Variants in RUFY3 observed in about 807,000 individuals in gnomAD.
RUFY3 encodes RUN and FYVE domain containing 3, also known as protein RUFY3.
A neutral mutation model predicts 84.0 loss-of-function variants in RUFY3; 34 were observed. That is an observed-to-expected ratio of 0.40 (90% confidence interval 0.31 to 0.54). RUFY3 has a LOEUF of 0.54. RUFY3 is among the 20% of genes least tolerant of loss of function. RUFY3 has a pLI of 0.39. For missense variants in RUFY3, 507 were observed against 736.8 expected (o/e 0.69, Z 3.61); for synonymous variants, 242 against 252.9 (o/e 0.96, Z 0.41).
At chr4:70,758,577 G>A (rs1404740821) in intron 1 of RUFY3, among the ~76,000 whole-genome samples, 3 of 151,970 alleles carry the variant, frequency 2.0e-5, no homozygotes, top group African/African-American at 4.8e-5. Context: ...TAAAATTTTT[G>A]ATGTGTAATA....
intron 1 of RUFY3, among the ~76,000 whole-genome samples, chr4:70,713,949 A>G (rs1416014743): frequency 6.6e-6 from 1 of 152,340 alleles, no homozygotes; most frequent in East Asian, 1.9e-4. Flanking sequence ...GGGTTTTTCC[A>G]GAACTCTCAA....
At chr4:70,764,696 G>A (rs1222534039) in intron 4 of RUFY3, 120 bp downstream of exon 4, 2 of 610,066 alleles carry the variant, frequency 3.3e-6, no homozygotes, top group Non-Finnish European at 5.7e-6. Context: ...CAGCTTCACT[G>A]ATACTTTCTC....
rs1460313492 is a variant in RUFY3, at chr4:70,793,774, C to T, written c.1338-11C>T. The T allele has an allele frequency of 1.2e-6, 2 of 1,613,926 alleles. No homozygotes were observed. Among genetic ancestry groups the T allele is most frequent in the South Asian group, 1.1e-5 (1 of 91,078 alleles). On this transcript the variant is annotated splice_polypyrimidine_tract_variant and intron_variant, in intron 12 of 17. Coordinates refer to ENST00000381006, the MANE Select transcript of RUFY3 (RefSeq NM_001037442.4). ...TGTTTTTTATCACAAGTTCATGTGGCTCACATCCAGATTGCGCCAGGCTGA... is the reference window on the plus strand; with the variant it reads ...TGTTTTTTATCACAAGTTCATGTGGTTCACATCCAGATTGCGCCAGGCTGA...
exon 1 of RUFY3, chr4:70,704,821 C>A: frequency 4.7e-6 from 3 of 637,298 alleles, no homozygotes; most frequent in Non-Finnish European, 4.4e-6. Flanking sequence ...AGAAAGGTGG[C>A]GGTGGCGGCG....
chr4:70,722,267 TG>T lies in RUFY3; in HGVS notation c.-301del. The T allele has an allele frequency of 8.1e-7, 1 of 1,231,218 alleles. No individual in the cohort carries two copies. Among genetic ancestry groups the T allele is most frequent in the Non-Finnish European group, 1.0e-6 (1 of 988,520 alleles). The allele number at this position is 1,231,218 out of a possible 1,614,324, so 76.3% of individuals were successfully genotyped here. On this transcript the variant is annotated 5_prime_UTR_variant, in exon 1 of 18. Coordinates refer to ENST00000381006, the MANE Select transcript of RUFY3 (RefSeq NM_001037442.4). Reference sequence around the variant, plus strand: ...CCTATAGCTCAGCTGAAAAAAAAGGTGGGGGGCAGGGAAGGGAAGATAAAAG... The same window carrying T: ...CCTATAGCTCAGCTGAAAAAAAAGGTGGGGGCAGGGAAGGGAAGATAAAAG...
intron 12 of RUFY3, chr4:70,791,756 T>C: frequency 1.0e-6 from 1 of 990,748 alleles, no homozygotes; most frequent in Non-Finnish European, 1.2e-6. Context: ...CTTGAACTCT[T>C]CTAAAATAGT....
intron 1 of RUFY3, among the ~76,000 whole-genome samples, chr4:70,728,286 C>T (rs1335935093): frequency 2.6e-5 from 4 of 152,218 alleles, no homozygotes; most frequent in Admixed American, 6.5e-5. Context: ...TTACCCTGAT[C>T]TGTGGCTGAT....
At chr4:70,709,936 A>G (rs1453221863) in intron 1 of RUFY3, among the ~76,000 whole-genome samples, 4 of 152,208 alleles carry the variant, frequency 2.6e-5, no homozygotes, top group Admixed American at 6.5e-5. Flanking sequence ...TTGAGATAGG[A>G]GGAAGGCTAG....
intron 1 of RUFY3, among the ~76,000 whole-genome samples, chr4:70,715,609 A>T (rs1441202708): frequency 1.3e-5 from 2 of 151,520 alleles, no homozygotes; most frequent in East Asian, 3.9e-4. Context: ...AAAAAAAAAA[A>T]AAAAGCTACC....
At chr4:70,711,348 G>T (rs1418764931) in intron 1 of RUFY3, among the ~76,000 whole-genome samples, 3 of 152,012 alleles carry the variant, frequency 2.0e-5, no homozygotes, top group Admixed American at 6.6e-5. Context: ...AAACATAGAG[G>T]CGTCTGCCCA....
chr4:70,792,214 A>G (rs529905997), intron 12 of RUFY3: 1 of 985,484 alleles, frequency 1.0e-6, no homozygotes, highest in East Asian at 1.1e-4. Context: ...ATGAATGATG[A>G]TATTCTGCCT....
Position 70,773,777 on chromosome 4 carries a change from A to G in RUFY3, c.758+205A>G, listed in dbSNP as rs892217300. 2.8e-4 allele frequency among the ~76,000 whole-genome samples: 42 copies of G among 152,198 alleles called. 1 individual carries two copies. The highest frequency in any genetic ancestry group is 7.3e-5 in the Non-Finnish European group (5 of 68,030). On this transcript the variant is annotated intron_variant, in intron 6 of 17. Transcript: ENST00000381006. ...AAGGATTTTTTTGTTTGTTTGTTTA[A>G]TGATTTTCCTGCTATGTGGTTCAGG... is the stretch of plus-strand genomic sequence containing the variant.
intron 1 of RUFY3, among the ~76,000 whole-genome samples, chr4:70,733,636 A>T (rs561798328): frequency 4.0e-4 from 61 of 152,304 alleles, no homozygotes; most frequent in African/African-American, 1.4e-3. Context: ...AACACCTTAC[A>T]CTAAAAATTA....
At chr4:70,788,200 G>A (rs539052317) in intron 10 of RUFY3, among the ~76,000 whole-genome samples, 1 of 151,612 alleles carries the variant, frequency 6.6e-6, no homozygotes, top group South Asian at 2.1e-4. Flanking sequence ...CAGGAGAATC[G>A]CTTGAACCCG....
chr4:70,773,014 A>C (rs1031546323), intron 5 of RUFY3, among the ~76,000 whole-genome samples: 64 of 152,344 alleles, frequency 4.2e-4, no homozygotes, highest in African/African-American at 1.4e-3. Context: ...GGCAATCTTG[A>C]AAAATGAAGA....
At chr4:70,772,255 C>T (rs186145940) in intron 5 of RUFY3, among the ~76,000 whole-genome samples, 2 of 151,992 alleles carry the variant, frequency 1.3e-5, no homozygotes, top group Admixed American at 1.3e-4. Context: ...CCAGCACCTC[C>T]ATGAATACCA....
At chr4:70,794,727 C>A in intron 13 of RUFY3, 68 bp from the exon 14 acceptor site, 1 of 980,776 alleles carries the variant, frequency 1.0e-6, no homozygotes, top group Non-Finnish European at 1.6e-6. Context: ...AAGGGGTTGG[C>A]ATTCTTTAGA....
At chr4:70,801,790 C>T (rs959365350) in intron 15 of RUFY3, among the ~76,000 whole-genome samples, 1 of 152,188 alleles carries the variant, frequency 6.6e-6, no homozygotes, top group Non-Finnish European at 1.5e-5. Flanking sequence ...TATCACCCAT[C>T]TCACATTACA....
chr4:70,793,053 A>T, intron 12 of RUFY3: 1 of 985,378 alleles, frequency 1.0e-6, no homozygotes. Context: ...CTTCTAAAAC[A>T]TGCTTCTCTA....
Sources: gnomAD v4.1 joint callset for allele counts (sites outside exome capture counted in the v4.1 genomes callset) on GRCh38, gnomAD v4.1.1 for gene constraint, MANE v1.5 for transcripts, NCBI Gene and HGNC (gene_info 2026-07-23, HGNC 2026-07-21) for gene names.